The following PTPRT variants were observed in gnomAD, a reference collection of about 807,000 sequenced individuals.
The protein encoded by PTPRT is receptor-type tyrosine-protein phosphatase T.
PTPRT carries 56 observed loss-of-function variants against 176.8 expected under a neutral mutation model. The ratio of observed to expected loss-of-function variants is 0.32; its 90% CI spans 0.26 to 0.40. The LOEUF is 0.40. Among genes scored for constraint, PTPRT ranks in the 10% least tolerant of loss-of-function variants. The pLI, the probability that PTPRT is intolerant of heterozygous loss-of-function variation, is 1.00. For missense variants in PTPRT, 1,540 were observed against 1,908.2 expected (o/e 0.81, Z 3.60); for synonymous variants, 783 against 739.0 (o/e 1.06, Z -0.96).
intron 12 of PTPRT, among the ~76,000 whole-genome samples, chr20:42,307,132 G>A (rs1430982244): frequency 6.6e-6 from 1 of 152,174 alleles, no homozygotes; most frequent in African/African-American, 2.4e-5. Context: ...AAATATTCCA[G>A]TTCTCCTAGG....
chr20:42,744,583 A>C (rs1375672140), intron 6 of PTPRT, among the ~76,000 whole-genome samples: 1 of 152,110 alleles, frequency 6.6e-6, no homozygotes, highest in Admixed American at 6.5e-5. Flanking sequence ...TGTATTAATT[A>C]GGAAAATACT....
intron 1 of PTPRT, among the ~76,000 whole-genome samples, chr20:43,018,187 C>T (rs1451913871): frequency 1.3e-5 from 2 of 152,136 alleles, no homozygotes; most frequent in African/African-American, 2.4e-5. Context: ...GGGCCCTTTC[C>T]TTTACCATGT....
the PTPRT span, among the ~76,000 whole-genome samples, chr20:42,035,757 G>C: frequency 6.6e-6 from 1 of 152,192 alleles, no homozygotes; most frequent in Non-Finnish European, 1.5e-5. Flanking sequence ...AGTAAAAATT[G>C]ATAGTGCTCG....
chr20:42,131,073 G>A lies in PTPRT; in HGVS notation c.2771-2243C>T, dbSNP rs1041343856. On this transcript the variant is annotated intron_variant, in intron 18 of 30. Coordinates refer to ENST00000373187, the MANE Select transcript of PTPRT (RefSeq NM_007050.6). ...TGGCAGAGATAGGACTTCTCGGTTA[G>A]GTTTATCTGACCCTGAAACCCTACT... Among the ~76,000 whole-genome samples, 5 of 152,276 alleles carry A rather than the reference G, an allele frequency of 3.3e-5. No individual in the cohort carries two copies. The East Asian group carries it at 9.6e-4, about 29-fold the overall frequency.
At chr20:42,696,141 C>T (rs1298435719) in intron 6 of PTPRT, among the ~76,000 whole-genome samples, 2 of 151,734 alleles carry the variant, frequency 1.3e-5, no homozygotes, top group African/African-American at 2.4e-5. Context: ...CTGCTCTTCC[C>T]TCCCTTTTCT....
chr20:42,122,644 G>A (rs1293055752), intron 19 of PTPRT, among the ~76,000 whole-genome samples: 1 of 152,180 alleles, frequency 6.6e-6, no homozygotes, highest in African/African-American at 2.4e-5. Flanking sequence ...CTCCCTGGCT[G>A]AGGCCACAGC....
intron 6 of PTPRT, among the ~76,000 whole-genome samples, chr20:42,712,341 G>A (rs1021936213): frequency 6.6e-6 from 1 of 152,086 alleles, no homozygotes; most frequent in African/African-American, 2.4e-5. Context: ...GATTTTAAGA[G>A]AAGCAAACAT....
rs575949064 is a variant in PTPRT at position 42,684,178 on chromosome 20, C to T, written c.860-6019G>A. On this transcript the variant is annotated intron_variant, in intron 6 of 30. Coordinates refer to ENST00000373187, the MANE Select transcript of PTPRT (RefSeq NM_007050.6). ...GACCAGCCTGACCAACATGGTGAAA[C>T]CCTGTCTCTACTAAAAATTAGCTGG... 7.6e-4 allele frequency among the ~76,000 whole-genome samples: 115 copies of T among 152,134 alleles called. 1 individual carries two copies. Among genetic ancestry groups the T allele is most frequent in the African/African-American group, 2.8e-3 (115 of 41,498 alleles).
chr20:42,162,036 C>T (rs1017459545), intron 16 of PTPRT, among the ~76,000 whole-genome samples: 13 of 152,122 alleles, frequency 8.5e-5, no homozygotes, highest in Non-Finnish European at 1.6e-4. Context: ...GGCTTCTCTA[C>T]TATTTTTTTT....
At chr20:42,998,356 G>C (rs909533764) in intron 1 of PTPRT, among the ~76,000 whole-genome samples, 1 of 151,986 alleles carries the variant, frequency 6.6e-6, no homozygotes, top group Admixed American at 6.5e-5. Flanking sequence ...ATGATTCTGC[G>C]GTAAGCTGAG....
the PTPRT span, among the ~76,000 whole-genome samples, chr20:42,051,139 C>T: frequency 3.9e-5 from 6 of 152,164 alleles, no homozygotes; most frequent in Non-Finnish European, 1.5e-5. Flanking sequence ...CTTGGGCCCA[C>T]GGTTTGGGTC....
At chr20:42,840,969 GC>G (rs2078267934) in intron 2 of PTPRT, among the ~76,000 whole-genome samples, 1 of 152,070 alleles carries the variant, frequency 6.6e-6, no homozygotes, top group African/African-American at 2.4e-5. Context: ...AAAGCCTTTT[GC>G]CTTGGCTCAC....
chr20:42,882,678 ATGTCTGATGTAC>A (rs1217789826), intron 2 of PTPRT, among the ~76,000 whole-genome samples: 1 of 152,236 alleles, frequency 6.6e-6, no homozygotes, highest in Non-Finnish European at 1.5e-5. Context: ...AGTACATAGG[ATGTCTGATGTAC>A]TGCATTAGGC....
At chr20:42,678,683 C>G (rs1569077790) in intron 6 of PTPRT, among the ~76,000 whole-genome samples, 1 of 152,164 alleles carries the variant, frequency 6.6e-6, no homozygotes, top group Non-Finnish European at 1.5e-5. Flanking sequence ...TCTTCAATAG[C>G]TATATTCAAT....
chr20:42,556,883 A>G (rs2072870278), intron 7 of PTPRT, among the ~76,000 whole-genome samples: 2 of 152,186 alleles, frequency 1.3e-5, no homozygotes, highest in Admixed American at 1.3e-4. Flanking sequence ...GAAGCTGCAT[A>G]TCATGATGTG....
intron 7 of PTPRT, among the ~76,000 whole-genome samples, chr20:42,568,990 G>A (rs1206282894): frequency 7.4e-6 from 1 of 134,990 alleles, no homozygotes; most frequent in African/African-American, 2.8e-5. Context: ...GGAGGTTGCA[G>A]TGAGCCGAGA....
intron 1 of PTPRT, among the ~76,000 whole-genome samples, chr20:43,004,010 A>C (rs1488364972): frequency 6.6e-6 from 1 of 152,194 alleles, no homozygotes; most frequent in African/African-American, 2.4e-5. Context: ...TTAAGAGAAA[A>C]GAAGAATATA....
At chr20:42,668,753 A>G (rs2425509) in intron 7 of PTPRT, among the ~76,000 whole-genome samples, 71,560 of 150,214 alleles carry the variant, frequency 0.48, 19,107 homozygotes, top group African/African-American at 0.74. Context: ...GTACAGTGGC[A>G]CAATCTCGGC....
chr20:43,046,602 G>A (rs939193955), intron 1 of PTPRT, among the ~76,000 whole-genome samples: 6 of 151,916 alleles, frequency 3.9e-5, no homozygotes, highest in East Asian at 3.9e-4. Flanking sequence ...CTTGGACAGC[G>A]GGACTGAGGT....
Sources: gnomAD v4.1 joint callset for allele counts (sites outside exome capture counted in the v4.1 genomes callset) on GRCh38, gnomAD v4.1.1 for gene constraint, MANE v1.5 for transcripts, NCBI Gene and HGNC (gene_info 2026-07-23, HGNC 2026-07-21) for gene names.